Variants in MAPK10 observed in about 807,000 individuals in gnomAD.
The protein encoded by MAPK10 is JNK3 alpha protein kinase.
In MAPK10, 25 loss-of-function variants were observed where a neutral mutation model predicts 59.3. The ratio of observed to expected loss-of-function variants is 0.42; its 90% CI spans 0.31 to 0.59. The LOEUF (loss-of-function observed/expected upper bound fraction) is 0.59, where lower values mean the gene tolerates loss of function less well. Among genes scored for constraint, MAPK10 ranks in the 20% least tolerant of loss-of-function variants. The pLI, the probability that MAPK10 is intolerant of heterozygous loss-of-function variation, is 0.15. For missense variants in MAPK10, 351 were observed against 568.9 expected, an observed-to-expected ratio of 0.62 and a Z score of 3.90; for synonymous variants, 190 against 200.5, an observed-to-expected ratio of 0.95 and a Z score of 0.44.
intron 1 of MAPK10, among the ~76,000 whole-genome samples, chr4:86,467,964 T>C (rs7658485): frequency 0.29 from 44,283 of 152,096 alleles, 7,568 homozygotes; most frequent in South Asian, 0.5. Context: ...GATACAGACA[T>C]TCTAAATTCC....
At chr4:86,207,239 G>A (rs1029953055) in intron 2 of MAPK10, among the ~76,000 whole-genome samples, 1 of 151,480 alleles carries the variant, frequency 6.6e-6, no homozygotes, top group Non-Finnish European at 1.5e-5. Flanking sequence ...TGTAAGGAAG[G>A]GATCCAGTTT....
chr4:86,544,780 T>C (rs1393917708), intron 1 of MAPK10, among the ~76,000 whole-genome samples: 1 of 152,232 alleles, frequency 6.6e-6, no homozygotes, highest in Non-Finnish European at 1.5e-5. Flanking sequence ...TATGATCAGA[T>C]TGCTTCCTGT....
Position 86,098,425 on chromosome 4 carries a change from C to T in MAPK10, c.802+99G>A, listed in dbSNP as rs555919655. The T allele has an allele frequency of 7.2e-5, 113 of 1,561,390 alleles. No individual in the cohort carries two copies. The East Asian group carries it at 2.4e-3, about 34-fold the overall frequency. On this transcript the variant is annotated intron_variant, in intron 9 of 13. Coordinates refer to ENST00000641462, the MANE Select transcript of MAPK10 (RefSeq NM_138982.4). The stretch of plus-strand genomic sequence containing the variant: ...TATTACAATAACACCACTTACCCAA[C>T]TTTTTGCTTCTATCTTTACTCTCCT...
chr4:86,152,349 G>A (rs1481934773), intron 4 of MAPK10: 1 of 151,996 alleles, frequency 6.6e-6, no homozygotes, highest in Non-Finnish European at 1.5e-5. Context: ...GTCAAATGAA[G>A]TGACTGAGTA....
intron 1 of MAPK10, among the ~76,000 whole-genome samples, chr4:86,374,230 G>T (rs1350970520): frequency 1.3e-5 from 2 of 152,032 alleles, no homozygotes; most frequent in Admixed American, 6.6e-5. Context: ...ACACAGGGAG[G>T]AGAATATCAC....
At chr4:86,199,924 A>T (rs1482109290) in intron 2 of MAPK10, among the ~76,000 whole-genome samples, 3 of 152,030 alleles carry the variant, frequency 2.0e-5, no homozygotes, top group Admixed American at 6.6e-5. Context: ...CAGGAAGATA[A>T]AAGGAACCAT....
chr4:86,352,896 G>A (rs557985222), intron 2 of MAPK10, among the ~76,000 whole-genome samples: 12 of 152,134 alleles, frequency 7.9e-5, no homozygotes, highest in Non-Finnish European at 1.0e-4. Context: ...ATCCTTCATG[G>A]CACATGTCTT....
rs553646211 is a variant in MAPK10, at chr4:86,316,862, G to A, written c.-7+37668C>T. ...TTAGCGGCAGCCAGTTGTTGTCGTA[G>A]TAGAAATGCCCACCTTATGCTTCAG... On this transcript the variant is annotated intron_variant, in intron 2 of 13. Transcript: ENST00000641462. 8.6e-4 allele frequency among the ~76,000 whole-genome samples: 131 copies of A among 152,208 alleles called. No homozygotes were observed. In the Middle Eastern group the frequency reaches 0.014, roughly 16 times the overall value.
intron 1 of MAPK10, among the ~76,000 whole-genome samples, chr4:86,424,229 GTC>G (rs1326216225): frequency 6.6e-6 from 1 of 151,772 alleles, no homozygotes; most frequent in Non-Finnish European, 1.5e-5. Context: ...TTGAGACAGA[GTC>G]TCGCTCTGTT....
chr4:86,035,978 T>C (rs1310368244), intron 11 of MAPK10, among the ~76,000 whole-genome samples: 1 of 152,076 alleles, frequency 6.6e-6, no homozygotes, highest in Non-Finnish European at 1.5e-5. Context: ...AGAGAGTAAA[T>C]GGCCAAATTA....
At chr4:86,147,137 A>C (rs907965777) in intron 4 of MAPK10, among the ~76,000 whole-genome samples, 2 of 151,278 alleles carry the variant, frequency 1.3e-5, no homozygotes, top group African/African-American at 4.9e-5. Flanking sequence ...GCCAGGCTGG[A>C]GTGCAGTAGC....
At chr4:86,519,706 C>T (rs908310471) in intron 1 of MAPK10, among the ~76,000 whole-genome samples, 2 of 151,864 alleles carry the variant, frequency 1.3e-5, no homozygotes, top group Admixed American at 6.6e-5. Context: ...TTGTTTTGTA[C>T]GTCTTGTGAG....
intron 11 of MAPK10, among the ~76,000 whole-genome samples, chr4:86,039,249 A>G (rs553937454): frequency 1.3e-5 from 2 of 152,332 alleles, no homozygotes; most frequent in South Asian, 4.1e-4. Flanking sequence ...ACCTGGGTAT[A>G]GCACGGAAAC....
intron 13 of MAPK10, among the ~76,000 whole-genome samples, chr4:86,022,217 C>T (rs1194065105): frequency 6.6e-6 from 1 of 152,238 alleles, no homozygotes; most frequent in Non-Finnish European, 1.5e-5. Flanking sequence ...TTACTACCAG[C>T]AGTATATGAG....
At chr4:86,130,613 A>T (rs1328001565) in intron 4 of MAPK10, among the ~76,000 whole-genome samples, 1 of 149,780 alleles carries the variant, frequency 6.7e-6, no homozygotes, top group Non-Finnish European at 1.5e-5. Context: ...TGTGCATAGC[A>T]TCAGCAGGGA....
chr4:86,383,087 G>C (rs1052979172), intron 1 of MAPK10, among the ~76,000 whole-genome samples: 1 of 152,062 alleles, frequency 6.6e-6, no homozygotes, highest in African/African-American at 2.4e-5. Flanking sequence ...ATAAGTAAAT[G>C]TTAAATAAAA....
In MAPK10 at chr4:86,243,242, C is replaced by T. The variant is rs905435984; in HGVS notation, c.-6-48835G>A. ...CTTCTAGTAAGCCATCTTGGCCCCA[C>T]TCAGATGATAGTTTCTATTTTGGAT... On this transcript the variant is annotated intron_variant, in intron 2 of 13. Coordinates refer to ENST00000641462, the MANE Select transcript of MAPK10 (RefSeq NM_138982.4). Among the ~76,000 whole-genome samples the T allele has an allele frequency of 8.5e-5, 13 of 152,286 alleles. No individual in the cohort carries two copies. The South Asian group carries it at 2.1e-3, about 24-fold the overall frequency.
intron 1 of MAPK10, among the ~76,000 whole-genome samples, chr4:86,376,976 C>G (rs556444648): frequency 5.3e-5 from 8 of 152,114 alleles, no homozygotes; most frequent in Non-Finnish European, 1.2e-4. Flanking sequence ...CAGAGTAGCC[C>G]ATCAGAGTCA....
chr4:86,445,076 C>T (rs902968220), intron 1 of MAPK10, among the ~76,000 whole-genome samples: 5 of 152,100 alleles, frequency 3.3e-5, no homozygotes, highest in Admixed American at 1.3e-4. Context: ...TGGGTATATA[C>T]CCAAAGGAAT....
Sources: gnomAD v4.1 joint callset for allele counts (sites outside exome capture counted in the v4.1 genomes callset) on GRCh38, gnomAD v4.1.1 for gene constraint, MANE v1.5 for transcripts, NCBI Gene and HGNC (gene_info 2026-07-23, HGNC 2026-07-21) for gene names.